FAM135B: variants seen among roughly 807,000 people sequenced by gnomAD.
The protein encoded by FAM135B is family with sequence similarity 135 member B, also known as protein FAM135B.
A neutral mutation model predicts 127.7 loss-of-function variants in FAM135B; 43 were observed. That is an observed-to-expected ratio of 0.34 (90% CI 0.26 to 0.43). The LOEUF (loss-of-function observed/expected upper bound fraction) is 0.43. Ranked by LOEUF, FAM135B falls within the 20% of genes least tolerant of loss-of-function variation. The pLI, the probability that FAM135B is intolerant of heterozygous loss-of-function variation, is 1.00. For synonymous variants in FAM135B, 670 were observed against 665.1 expected (o/e 1.01, Z -0.11); for missense variants, 1,558 against 1,725.6 (o/e 0.90, Z 1.72).
intron 1 of FAM135B, among the ~76,000 whole-genome samples, chr8:138,469,002 C>T (rs924903431): frequency 2.6e-5 from 4 of 151,726 alleles, no homozygotes; most frequent in Non-Finnish European, 4.4e-5. Context: ...CAAGATACAG[C>T]CAGTGCGCTC....
At chr8:138,303,087 G>A (rs767028602) in intron 3 of FAM135B, among the ~76,000 whole-genome samples, 7 of 152,158 alleles carry the variant, frequency 4.6e-5, no homozygotes, top group South Asian at 4.1e-4. Flanking sequence ...ATTACTGGGT[G>A]TATATCCAAA....
intron 1 of FAM135B, among the ~76,000 whole-genome samples, chr8:138,451,345 T>C (rs1390478671): frequency 6.6e-6 from 1 of 152,186 alleles, no homozygotes; most frequent in Non-Finnish European, 1.5e-5. Flanking sequence ...GTATTGTTAT[T>C]AGGGTAGAAG....
chr8:138,370,062 C>CCT (rs1831016734), intron 1 of FAM135B, among the ~76,000 whole-genome samples: 1 of 152,168 alleles, frequency 6.6e-6, no homozygotes, highest in Admixed American at 6.5e-5. Flanking sequence ...CCTCAAAAGC[C>CCT]CTCTGCATGA....
chr8:138,288,187 A>C (rs1824842178), intron 3 of FAM135B, among the ~76,000 whole-genome samples: 1 of 152,164 alleles, frequency 6.6e-6, no homozygotes, highest in African/African-American at 2.4e-5. Flanking sequence ...TCATGAAATA[A>C]ATTATTACTG....
At chr8:138,398,855 C>T (rs79997423) in intron 1 of FAM135B, among the ~76,000 whole-genome samples, 1 of 152,146 alleles carries the variant, frequency 6.6e-6, no homozygotes, top group Non-Finnish European at 1.5e-5. Context: ...CCTGCCCCTT[C>T]CCAGCCTCTA....
At chr8:138,161,829 C>T (rs952801445) in intron 12 of FAM135B, among the ~76,000 whole-genome samples, 1 of 152,226 alleles carries the variant, frequency 6.6e-6, no homozygotes, top group African/African-American at 2.4e-5. Flanking sequence ...CTTCTACTTA[C>T]ATGCAGTGTG....
At chr8:138,309,380 G>C (rs577353691) in intron 3 of FAM135B, among the ~76,000 whole-genome samples, 10 of 152,316 alleles carry the variant, frequency 6.6e-5, no homozygotes, top group African/African-American at 2.4e-4. Flanking sequence ...AGGAGAGAGG[G>C]GTGGAGGGAA....
chr8:138,194,402 C>T (rs1044047576), intron 9 of FAM135B, among the ~76,000 whole-genome samples: 2 of 152,206 alleles, frequency 1.3e-5, no homozygotes, highest in Non-Finnish European at 2.9e-5. Context: ...CAGGGGTGCT[C>T]AACCCTGGCT....
intron 3 of FAM135B, among the ~76,000 whole-genome samples, chr8:138,305,184 T>A (rs555507981): frequency 6.6e-6 from 1 of 152,346 alleles, no homozygotes; most frequent in East Asian, 1.9e-4. Flanking sequence ...TTAATGGAAA[T>A]GGAAATTACC....
At chr8:138,410,815 C>T (rs1001134509) in intron 1 of FAM135B, among the ~76,000 whole-genome samples, 1 of 152,206 alleles carries the variant, frequency 6.6e-6, no homozygotes, top group South Asian at 2.1e-4. Flanking sequence ...ATCATTTTAC[C>T]AAAAACATAC....
At chr8:138,333,592 A>T (rs964735277) in intron 2 of FAM135B, among the ~76,000 whole-genome samples, 11 of 152,150 alleles carry the variant, frequency 7.2e-5, no homozygotes, top group African/African-American at 2.4e-4. Context: ...CTTGATTTCC[A>T]GGCAGGTTTT....
At chr8:138,452,757 C>T (rs1836568608) in intron 1 of FAM135B, among the ~76,000 whole-genome samples, 1 of 152,104 alleles carries the variant, frequency 6.6e-6, no homozygotes, top group African/African-American at 2.4e-5. Flanking sequence ...ACTGTCATCT[C>T]AAGGCTCGAC....
chr8:138,319,548 G>A (rs1159497615), intron 2 of FAM135B, among the ~76,000 whole-genome samples: 1 of 152,302 alleles, frequency 6.6e-6, no homozygotes, highest in South Asian at 2.1e-4. Context: ...TCATCAGAAT[G>A]GGGAAAGAAG....
chr8:138,289,974 C>T (rs7831210), intron 3 of FAM135B, among the ~76,000 whole-genome samples: 66,416 of 152,012 alleles, frequency 0.44, 14,785 homozygotes, highest in Non-Finnish European at 0.48. Flanking sequence ...AAACAGGAAA[C>T]GTAGTTGTCA....
At chr8:138,424,000 G>A (rs1422556483) in intron 1 of FAM135B, among the ~76,000 whole-genome samples, 4 of 152,090 alleles carry the variant, frequency 2.6e-5, no homozygotes, top group South Asian at 2.1e-4. Flanking sequence ...GCTCACCAGC[G>A]GTTGGAGTTT....
chr8:138,355,470 C>CA (rs11290539), intron 2 of FAM135B, among the ~76,000 whole-genome samples: 43 of 152,190 alleles, frequency 2.8e-4, no homozygotes, highest in African/African-American at 1.0e-3. Context: ...ATCACAAGGA[C>CA]AAAAAAATCA....
Position 138,130,371 on chromosome 8 carries a change from G to A in FAM135B, c.*2222C>T, listed in dbSNP as rs186211920. ...ATAATAGATGCTCAGAGGCCAGAGA[G>A]GGTTTACAAAGACAGCAGAGCACCC... On this transcript the variant is annotated 3_prime_UTR_variant, in exon 20 of 20. Transcript: ENST00000395297. The A allele has an allele frequency of 6.6e-6, 1 of 152,202 alleles. No homozygotes were observed. Among genetic ancestry groups the A allele is most frequent in the African/African-American group, 2.4e-5 (1 of 41,536 alleles). The allele number at this position is 152,202 out of a possible 1,614,324, so 9.4% of individuals were successfully genotyped here.
At chr8:138,145,266 T>A (rs1429048788) in intron 15 of FAM135B, among the ~76,000 whole-genome samples, 1 of 152,130 alleles carries the variant, frequency 6.6e-6, no homozygotes, top group Admixed American at 6.5e-5. Context: ...TCTCACTGCT[T>A]TGGCTTCCCA....
chr8:138,363,310 T>G (rs752120083), intron 2 of FAM135B, among the ~76,000 whole-genome samples: 3 of 152,194 alleles, frequency 2.0e-5, no homozygotes, highest in Non-Finnish European at 1.5e-5. Flanking sequence ...TATTAATTAA[T>G]GCCGTAAACT....
Sources: allele counts gnomAD v4.1 joint callset (sites outside exome capture counted in the v4.1 genomes callset), GRCh38; gene constraint gnomAD v4.1.1; transcripts MANE v1.5; gene names NCBI Gene and HGNC (gene_info 2026-07-23, HGNC 2026-07-21).